The following IDE variants were observed in gnomAD, a reference collection of about 807,000 sequenced individuals.
IDE encodes insulin degrading enzyme, also known as insulin-degrading enzyme.
Under a neutral mutation model 133.2 loss-of-function variants are expected in IDE, and 58 were observed. The observed-to-expected ratio is 0.44, with a 90% CI of 0.35 to 0.54. The LOEUF is 0.54. Ranked by LOEUF, IDE falls within the 20% of genes least tolerant of loss-of-function variation. The probability of loss-of-function intolerance (pLI) is 0.00; values close to 1 mark genes in which losing one functional copy is unlikely to be tolerated. For synonymous variants in IDE, 396 were observed against 421.3 expected (o/e 0.94, Z 0.73); for missense variants, 981 against 1,234.0 (o/e 0.79, Z 3.07).
intron 1 of IDE, among the ~76,000 whole-genome samples, chr10:92,572,493 G>C (rs1054233524): frequency 6.6e-6 from 1 of 152,104 alleles, no homozygotes; most frequent in Non-Finnish European, 1.5e-5. Flanking sequence ...AGTCCCAACA[G>C]GTTTCTCTGC....
At chr10:92,516,604 C>T (rs1429102124) in intron 4 of IDE, among the ~76,000 whole-genome samples, 2 of 152,192 alleles carry the variant, frequency 1.3e-5, no homozygotes, top group African/African-American at 4.8e-5. Flanking sequence ...TCCATTCATG[C>T]TTATTTTAAT....
intron 1 of IDE, among the ~76,000 whole-genome samples, chr10:92,550,677 G>A (rs10882079): frequency 3.6e-5 from 5 of 138,938 alleles, no homozygotes; most frequent in Admixed American, 1.5e-4. Flanking sequence ...AAAAAAAATC[G>A]TGGCCAACAT....
chr10:92,515,995 C>A (rs1295893679), intron 4 of IDE, among the ~76,000 whole-genome samples: 2 of 149,050 alleles, frequency 1.3e-5, no homozygotes, highest in East Asian at 2.0e-4. Flanking sequence ...CATGGAGAAA[C>A]ACCGTCTCTA....
rs1206914987 is a variant in IDE at position 92,534,641 on chromosome 10, C to T, written c.428G>A (p.Ser143Asn). The change falls in exon 3 of 25, where the codon AGT (serine) becomes AAT (asparagine). Residue 143 changes from serine (S) to asparagine (N), a missense_variant. Transcript: ENST00000265986. ...EHAGSSNAFT[S>N]GEHTNYYFDV... Reference sequence around the variant, plus strand: ...AAAATAGTAATTGGTATGCTCTCCACTAGTAAAGGCATTTGAACTTCCTGC... The same window carrying T: ...AAAATAGTAATTGGTATGCTCTCCATTAGTAAAGGCATTTGAACTTCCTGC... 4 of 1,613,908 alleles carry T rather than the reference C, an allele frequency of 2.5e-6. No homozygotes were observed. The highest frequency in any genetic ancestry group is 3.4e-6 in the Non-Finnish European group (4 of 1,179,916).
intron 1 of IDE, among the ~76,000 whole-genome samples, chr10:92,543,150 C>T (rs1337584205): frequency 6.6e-6 from 1 of 152,176 alleles, no homozygotes; most frequent in Non-Finnish European, 1.5e-5. Flanking sequence ...CCAAAACCTC[C>T]CTTCTGTGGA....
At chr10:92,542,776 A>G (rs985069856) in intron 1 of IDE, among the ~76,000 whole-genome samples, 1 of 152,218 alleles carries the variant, frequency 6.6e-6, no homozygotes, top group Non-Finnish European at 1.5e-5. Flanking sequence ...TGGAAAAACA[A>G]GAAGCGTGGT....
At chr10:92,515,070 GA>G in intron 4 of IDE, 28 bp from the exon 5 acceptor site, 5 of 1,558,008 alleles carry the variant, frequency 3.2e-6, no homozygotes, top group Non-Finnish European at 4.3e-6. Context: ...GGATTTCTTA[GA>G]AAAAGCAAAA....
At chr10:92,497,932 A>T (rs1847804015) in intron 11 of IDE, among the ~76,000 whole-genome samples, 1 of 152,268 alleles carries the variant, frequency 6.6e-6, no homozygotes, top group African/African-American at 2.4e-5. Context: ...TGGGTCAATT[A>T]CTGGCTCTAG....
At chr10:92,536,493 G>A (rs1463857802) in intron 2 of IDE, among the ~76,000 whole-genome samples, 1 of 149,834 alleles carries the variant, frequency 6.7e-6, no homozygotes, top group Admixed American at 6.7e-5. Flanking sequence ...GAGGTCAGGA[G>A]TTCAAGACCA....
In IDE at chr10:92,475,983, T is replaced by C; in HGVS notation, c.1896A>G (p.Lys632=). 1.4e-6 allele frequency: 2 copies of C among 1,459,682 alleles called. No homozygotes were observed. The highest frequency in any genetic ancestry group is 2.3e-5 in the East Asian group (1 of 43,424). The allele number at this position is 1,459,682 out of a possible 1,614,324, so 90.4% of individuals were successfully genotyped here. The change falls in exon 16 of 25, where the codon AAA becomes AAG. Residue 632 remains lysine, a synonymous_variant. Transcript: ENST00000265986. ...AAATTGGCTGCTTGTCATTGTAACCTTTCACTGAAAGCTACAGAAAGAATT... is the reference window on the plus strand; with the variant it reads ...AAATTGGCTGCTTGTCATTGTAACCCTTCACTGAAAGCTACAGAAAGAATT... The part of the protein sequence containing the change: ...NTIYGMYLSV[K]GYNDKQPILL...
rs1186099603 is a variant in IDE, at chr10:92,483,294, A to T, written c.1700T>A (p.Phe567Tyr). 3 of 1,610,590 alleles carry T rather than the reference A, an allele frequency of 1.9e-6. No homozygotes were observed. Among genetic ancestry groups the T allele is most frequent in the Non-Finnish European group, 2.5e-6 (3 of 1,176,926 alleles). ...SKLWFKQDDKFFLPKACLNFE... is the reference protein window; with the variant it reads ...SKLWFKQDDKYFLPKACLNFE... ...GTTGAGACAAGCCTTCGGCAAAAAAAACTTATCATCTTGTTTGAACCAAAG... is the reference window on the plus strand; with the variant it reads ...GTTGAGACAAGCCTTCGGCAAAAAATACTTATCATCTTGTTTGAACCAAAG... Residue 567 changes from phenylalanine (F) to tyrosine (Y), a missense_variant, in exon 14 of 25, where the codon TTT (phenylalanine) becomes TAT (tyrosine). Transcript: ENST00000265986.
At chr10:92,462,254 G>T (rs1281090052) in intron 21 of IDE, among the ~76,000 whole-genome samples, 1 of 148,792 alleles carries the variant, frequency 6.7e-6, no homozygotes, top group Non-Finnish European at 1.5e-5. Context: ...GGAAGCAGAG[G>T]TTGCAGTGAG....
intron 1 of IDE, among the ~76,000 whole-genome samples, chr10:92,561,192 G>T (rs1843264633): frequency 6.6e-6 from 1 of 151,680 alleles, no homozygotes; most frequent in African/African-American, 2.4e-5. Flanking sequence ...GGAGGCGGAG[G>T]TTGCAGTAAG....
intron 13 of IDE, among the ~76,000 whole-genome samples, chr10:92,484,858 C>T (rs769347403): frequency 6.6e-6 from 1 of 152,036 alleles, no homozygotes; most frequent in South Asian, 2.1e-4. Context: ...AGTTTGAGAT[C>T]GGCCTGGGCA....
chr10:92,457,784 G>A (rs1195845186), intron 22 of IDE, among the ~76,000 whole-genome samples: 1 of 152,074 alleles, frequency 6.6e-6, no homozygotes, highest in Non-Finnish European at 1.5e-5. Flanking sequence ...CTGGTCCTAT[G>A]TGACTGCAAG....
At position 92,461,249 on chromosome 10, in the gene IDE, T is replaced by C; in HGVS notation, c.2765A>G (p.Asn922Ser). ...ISQQYNFDRD[N>S]TEVAYLKTLT... The stretch of plus-strand genomic sequence containing the variant: ...TGTCTTTAAATATGCAACCTCAGTG[T>C]TATCTGAAAAAGTAATCAAACAATA... The change falls in exon 22 of 25, where the codon AAC (asparagine) becomes AGC (serine). Residue 922 changes from asparagine to serine, a missense_variant. Physicochemically the swap from Asn to Ser is conservative, Grantham distance 46. Transcript: ENST00000265986. 7.0e-7 allele frequency: 1 copy of C among 1,430,852 alleles called. No individual in the cohort carries two copies. Among genetic ancestry groups the C allele is most frequent in the Non-Finnish European group, 9.9e-7 (1 of 1,014,154 alleles). 88.6% of individuals were successfully genotyped at this position (1,430,852 alleles called of 1,614,324 possible).
chr10:92,564,045 G>A (rs1843405396), intron 1 of IDE, among the ~76,000 whole-genome samples: 1 of 152,162 alleles, frequency 6.6e-6, no homozygotes, highest in Admixed American at 6.5e-5. Flanking sequence ...CAAAGGTGTA[G>A]ATTCACACTA....
At chr10:92,532,049 C>T in intron 3 of IDE, 132 bp from the exon 4 acceptor site, 1 of 536,304 alleles carries the variant, frequency 1.9e-6, no homozygotes, top group Non-Finnish European at 3.1e-6. Context: ...ACCATTGCTA[C>T]TAAGAAAAAA....
At chr10:92,568,676 C>T (rs1425782124) in intron 1 of IDE, among the ~76,000 whole-genome samples, 8 of 151,838 alleles carry the variant, frequency 5.3e-5, no homozygotes, top group African/African-American at 1.9e-4. Context: ...ATTAGCCGGG[C>T]GTGGTGGCAC....
Sources: gnomAD v4.1 joint callset for allele counts (sites outside exome capture counted in the v4.1 genomes callset) on GRCh38, gnomAD v4.1.1 for gene constraint, MANE v1.5 for transcripts, NCBI Gene and HGNC (gene_info 2026-07-23, HGNC 2026-07-21) for gene names.